TENM2: variants seen among roughly 807,000 people sequenced by gnomAD.
The protein encoded by TENM2 is teneurin-2.
TENM2 carries 52 observed loss-of-function variants against 245.2 expected under a neutral mutation model. The ratio of observed to expected loss-of-function variants is 0.21; its 90% confidence interval spans 0.17 to 0.27. The LOEUF (loss-of-function observed/expected upper bound fraction) is 0.27, where lower values mean the gene tolerates loss of function less well. Among genes scored for constraint, TENM2 ranks in the 10% least tolerant of loss-of-function variants. The probability of loss-of-function intolerance (pLI) is 1.00; values close to 1 mark genes in which losing one functional copy is unlikely to be tolerated. For missense variants in TENM2, 3,046 were observed against 3,666.8 expected (o/e 0.83, Z 4.37); for synonymous variants, 1,363 against 1,438.9 (o/e 0.95, Z 1.19).
At chr5:168,192,591 C>T (rs1330255346) in intron 14 of TENM2, among the ~76,000 whole-genome samples, 2 of 152,178 alleles carry the variant, frequency 1.3e-5, no homozygotes, top group East Asian at 1.9e-4. Flanking sequence ...TTGACTTTAA[C>T]ATATACTATA....
intron 2 of TENM2, among the ~76,000 whole-genome samples, chr5:167,831,781 AAACAAC>A (rs1241402503): frequency 6.6e-6 from 1 of 151,936 alleles, no homozygotes; most frequent in Non-Finnish European, 1.5e-5. Flanking sequence ...TAATGGGAGG[AAACAAC>A]AACAACAACA....
At chr5:167,298,553 G>C (rs371612524) in intron 1 of TENM2, among the ~76,000 whole-genome samples, 3 of 152,208 alleles carry the variant, frequency 2.0e-5, no homozygotes, top group African/African-American at 7.2e-5. Flanking sequence ...GCAGTGAGCC[G>C]AGATCGTGCC....
At chr5:167,859,591 G>A (rs1319094953) in intron 2 of TENM2, among the ~76,000 whole-genome samples, 6 of 109,150 alleles carry the variant, frequency 5.5e-5, no homozygotes, top group Non-Finnish European at 7.7e-5. Flanking sequence ...CAGCCGCCCC[G>A]TCCGGGAGGG....
intron 2 of TENM2, among the ~76,000 whole-genome samples, chr5:167,475,701 A>G (rs1422137394): frequency 2.7e-5 from 4 of 150,528 alleles, no homozygotes; most frequent in Non-Finnish European, 5.9e-5. Flanking sequence ...CCCTGTCCCC[A>G]TATGTTCTCA....
At chr5:168,008,884 T>C (rs1201318894) in intron 5 of TENM2, among the ~76,000 whole-genome samples, 2 of 152,216 alleles carry the variant, frequency 1.3e-5, no homozygotes, top group Non-Finnish European at 2.9e-5. Flanking sequence ...CCATTCTTTT[T>C]TAATGCACTC....
intron 2 of TENM2, among the ~76,000 whole-genome samples, chr5:167,488,464 A>C (rs1391884629): frequency 6.6e-6 from 1 of 152,154 alleles, no homozygotes; most frequent in Non-Finnish European, 1.5e-5. Flanking sequence ...GCAGCATTTG[A>C]CCCAGCCAAT....
At chr5:167,229,440 G>T in the TENM2 span, among the ~76,000 whole-genome samples, 1 of 152,076 alleles carries the variant, frequency 6.6e-6, no homozygotes, top group Admixed American at 6.5e-5. Flanking sequence ...AGTGGGTGTG[G>T]TGTAGGTGCT....
chr5:167,901,308 A>G (rs935893971), intron 3 of TENM2, among the ~76,000 whole-genome samples: 2 of 152,220 alleles, frequency 1.3e-5, no homozygotes, highest in African/African-American at 4.8e-5. Context: ...TAAGGATGAA[A>G]AAAATCATAT....
chr5:167,471,814 T>C (rs1034752507), intron 2 of TENM2, among the ~76,000 whole-genome samples: 2 of 152,116 alleles, frequency 1.3e-5, no homozygotes, highest in African/African-American at 4.8e-5. Flanking sequence ...AGGGGAAAAA[T>C]GTAATCTCCA....
intron 2 of TENM2, among the ~76,000 whole-genome samples, chr5:167,416,811 C>A (rs368346074): frequency 9.8e-5 from 15 of 152,290 alleles, no homozygotes; most frequent in African/African-American, 3.1e-4. Flanking sequence ...GAAAACTACT[C>A]CTTTTTCTTT....
In TENM2 at chr5:168,158,850, T is replaced by TATATATATACAC. The variant is rs1339051385; in HGVS notation, c.2423-3760_2423-3759insTATATATACACA. ...GTGTGTATATATATATATATATATA[T>TATATATATACAC]ACACACACACACACACACATATATA... On this transcript the variant is annotated intron_variant, in intron 12 of 28. Transcript: ENST00000518659. 7.7e-3 allele frequency among the ~76,000 whole-genome samples: 476 copies of TATATATATACAC among 62,054 alleles called. 6 individuals are homozygous for TATATATATACAC. The highest frequency in any genetic ancestry group is 0.021 in the African/African-American group (338 of 16,168). 40.7% of individuals were successfully genotyped at this position (62,054 alleles called of 152,430 possible).
At chr5:167,262,618 G>A in the TENM2 span, among the ~76,000 whole-genome samples, 1 of 152,104 alleles carries the variant, frequency 6.6e-6, no homozygotes, top group African/African-American at 2.4e-5. Context: ...AGACTTAGTA[G>A]CTGCTTAGCA....
chr5:168,065,444 G>A (rs1250088677), intron 7 of TENM2, among the ~76,000 whole-genome samples: 2 of 152,080 alleles, frequency 1.3e-5, no homozygotes, highest in African/African-American at 2.4e-5. Flanking sequence ...TTCTACCTAT[G>A]TAACCTGCTT....
At chr5:167,470,454 CTTTTT>C (rs749016436) in intron 2 of TENM2, among the ~76,000 whole-genome samples, 11 of 47,394 alleles carry the variant, frequency 2.3e-4, no homozygotes, top group Non-Finnish European at 2.9e-4. Flanking sequence ...GCAATGCTTG[CTTTTT>C]TTTTTTTTTT....
Position 167,730,984 on chromosome 5 carries a change from C to T in TENM2, c.503-145002C>T, listed in dbSNP as rs114985764. Among the ~76,000 whole-genome samples, 912 of 152,250 alleles carry T rather than the reference C, an allele frequency of 6.0e-3. 7 individuals are homozygous for T. The highest frequency in any genetic ancestry group is 0.021 in the African/African-American group (860 of 41,530). The stretch of plus-strand genomic sequence containing the variant: ...AGACACTCCATGCACTATTGAAATA[C>T]GACCTAGGATGCACCTAGTTTTACT... On this transcript the variant is annotated intron_variant, in intron 2 of 28. Coordinates refer to ENST00000518659, the Ensembl canonical transcript of TENM2.
the TENM2 span, among the ~76,000 whole-genome samples, chr5:167,261,508 A>G: frequency 6.6e-6 from 1 of 152,072 alleles, no homozygotes. Context: ...TAACATCATC[A>G]TCATCATCTT....
chr5:168,018,327 A>G (rs1366546531), intron 5 of TENM2, among the ~76,000 whole-genome samples: 1 of 150,980 alleles, frequency 6.6e-6, no homozygotes, highest in Non-Finnish European at 1.5e-5. Flanking sequence ...TTACTTCCAA[A>G]TGTTTCAAAA....
chr5:167,952,426 G>C (rs1728988207), intron 3 of TENM2, 162 bp from the exon 6 acceptor site: 1 of 617,046 alleles, frequency 1.6e-6, no homozygotes, highest in East Asian at 2.8e-5. Context: ...ATTTGTAACT[G>C]ACTCTGGGAT....
intron 2 of TENM2, among the ~76,000 whole-genome samples, chr5:167,742,883 A>C (rs549528654): frequency 6.6e-6 from 1 of 152,068 alleles, no homozygotes; most frequent in South Asian, 2.1e-4. Flanking sequence ...CAGAAGCACA[A>C]CTTGAGCCCA....
Sources: allele counts gnomAD v4.1 joint callset (sites outside exome capture counted in the v4.1 genomes callset), GRCh38; gene constraint gnomAD v4.1.1; transcripts MANE v1.5; gene names NCBI Gene and HGNC (gene_info 2026-07-23, HGNC 2026-07-21).